Variants in BTRC observed in about 807,000 individuals in gnomAD.
BTRC encodes the protein F-box/WD repeat-containing protein 1A.
Under a neutral mutation model 85.5 loss-of-function variants are expected in BTRC, and 42 were observed. That is an observed-to-expected ratio of 0.49 (90% CI 0.38 to 0.64). BTRC has a LOEUF of 0.64. Ranked by LOEUF, BTRC falls within the 30% of genes least tolerant of loss-of-function variation. The pLI, the probability that BTRC is intolerant of heterozygous loss-of-function variation, is 0.00. For missense variants in BTRC, 594 were observed against 743.5 expected (o/e 0.80, Z 2.34); for synonymous variants, 255 against 263.3 (o/e 0.97, Z 0.30).
rs1473075801 is a variant in BTRC, at chr10:101,532,416, G to A, written c.962G>A (p.Arg321Gln). The stretch of plus-strand genomic sequence containing the variant: ...GATCAGAAAATAGTAAGCGGCCTTC[G>A]AGACAACACAATCAAGGTGAGGTCT... ...YDDQKIVSGL[R>Q]DNTIKIWDKN... Residue 321 changes from arginine (R) to glutamine (Q), a missense_variant, in exon 8 of 15, where the codon CGA (arginine) becomes CAA (glutamine). Arg to Gln is a conservative substitution (Grantham distance 43). This residue lies in a region of BTRC where 373 missense variants were observed against 503.6 expected (regional missense o/e 0.74). Coordinates refer to ENST00000370187, the MANE Select transcript of BTRC (RefSeq NM_033637.4). The A allele has an allele frequency of 1.2e-6, 2 of 1,610,894 alleles. No homozygotes were observed. The highest frequency in any genetic ancestry group is 8.5e-7 in the Non-Finnish European group (1 of 1,178,926).
chr10:101,523,994 T>C (rs745874643), intron 5 of BTRC, among the ~76,000 whole-genome samples: 15 of 152,166 alleles, frequency 9.9e-5, no homozygotes, highest in Non-Finnish European at 1.9e-4. Flanking sequence ...TTAAGGCTTT[T>C]AATACATGGT....
At chr10:101,472,275 C>CTCTCTTCTCTTCTCTTCTCT (rs57342908) in intron 3 of BTRC, among the ~76,000 whole-genome samples, 14,344 of 114,186 alleles carry the variant, frequency 0.13, 1,467 homozygotes, top group Middle Eastern at 0.21. Flanking sequence ...TTTTCTTTTC[C>CTCTCTTCTCTTCTCTTCTCT]TCTCTTCTCT....
In BTRC at chr10:101,395,295, C is replaced by T. The variant is rs1943336403; in HGVS notation, c.49-35050C>T. Among the ~76,000 whole-genome samples the T allele has an allele frequency of 2.0e-5, 3 of 152,176 alleles. No individual in the cohort carries two copies. The South Asian group carries it at 6.2e-4, about 32-fold the overall frequency. ...ATTTTCGTGTGAGAGTCTAGCCAGG[C>T]AGGCTAGGATAGGAAATTATTTTGT... On this transcript the variant is annotated intron_variant, in intron 1 of 14. Coordinates refer to ENST00000370187, the MANE Select transcript of BTRC (RefSeq NM_033637.4).
At chr10:101,517,101 G>A (rs920231194) in intron 4 of BTRC, among the ~76,000 whole-genome samples, 12 of 152,098 alleles carry the variant, frequency 7.9e-5, no homozygotes, top group Admixed American at 5.9e-4. Context: ...ACAAAAAGCA[G>A]CCCTAAACTC....
At chr10:101,405,632 T>C (rs574745677) in intron 1 of BTRC, among the ~76,000 whole-genome samples, 1 of 152,310 alleles carries the variant, frequency 6.6e-6, no homozygotes, top group East Asian at 1.9e-4. Context: ...TCTTCTCCAA[T>C]TACCTGCTAG....
chr10:101,478,636 C>T (rs1053657646), intron 3 of BTRC, among the ~76,000 whole-genome samples: 6 of 151,384 alleles, frequency 4.0e-5, no homozygotes, highest in South Asian at 2.1e-4. Flanking sequence ...ACAAAAAATA[C>T]AAAAAATTAG....
intron 4 of BTRC, among the ~76,000 whole-genome samples, chr10:101,489,771 A>G (rs1946082202): frequency 1.3e-5 from 2 of 152,124 alleles, no homozygotes; most frequent in African/African-American, 4.8e-5. Context: ...TTCTGCCGGT[A>G]TTTGTTCCCA....
At chr10:101,418,691 CAA>C (rs777768870) in intron 1 of BTRC, among the ~76,000 whole-genome samples, 2 of 151,464 alleles carry the variant, frequency 1.3e-5, no homozygotes, top group Non-Finnish European at 2.9e-5. Context: ...AATTGGCAAA[CAA>C]AAATTATTAT....
intron 3 of BTRC, among the ~76,000 whole-genome samples, chr10:101,463,653 A>G (rs1463688966): frequency 6.6e-6 from 1 of 152,120 alleles, no homozygotes; most frequent in East Asian, 1.9e-4. Flanking sequence ...AACCCTGTAA[A>G]GTTTTTAGAT....
At chr10:101,487,755 T>C (rs1253856799) in intron 4 of BTRC, among the ~76,000 whole-genome samples, 1 of 152,128 alleles carries the variant, frequency 6.6e-6, no homozygotes, top group Admixed American at 6.5e-5. Flanking sequence ...CAGTGTTCTG[T>C]GATCAACCTT....
intron 1 of BTRC, among the ~76,000 whole-genome samples, chr10:101,396,753 TTTG>T (rs150149003): frequency 0.36 from 54,444 of 151,340 alleles, 10,847 homozygotes; most frequent in Middle Eastern, 0.48. Context: ...TTTGTTGATG[TTTG>T]TTTTTACATG....
chr10:101,503,964 T>G (rs945701225), intron 4 of BTRC, among the ~76,000 whole-genome samples: 1 of 152,210 alleles, frequency 6.6e-6, no homozygotes, highest in African/African-American at 2.4e-5. Context: ...CATACACTTT[T>G]TAACTGTTTT....
intron 1 of BTRC, among the ~76,000 whole-genome samples, chr10:101,377,912 C>G (rs1425931975): frequency 6.6e-6 from 1 of 151,328 alleles, no homozygotes; most frequent in Non-Finnish European, 1.5e-5. Context: ...GTGTAGAACA[C>G]TTGTGGCCTT....
At chr10:101,472,878 T>G (rs1945571919) in intron 3 of BTRC, among the ~76,000 whole-genome samples, 1 of 152,136 alleles carries the variant, frequency 6.6e-6, no homozygotes, top group East Asian at 1.9e-4. Flanking sequence ...CCGTTCAAGG[T>G]TTTATCTTTA....
At chr10:101,549,630 C>T (rs1260037448) in intron 13 of BTRC, among the ~76,000 whole-genome samples, 4 of 142,888 alleles carry the variant, frequency 2.8e-5, no homozygotes, top group Non-Finnish European at 3.0e-5. Context: ...AGGAGAACGG[C>T]GTGAACCCGG....
rs60190021 is a variant in BTRC at position 101,368,464 on chromosome 10, C to CT, written c.48+14268dup. ...TAGTAGAACCTATGCAACTGTTTTT[C>CT]TTTTTTTTTTTTTTTTTTTTTTTTT... On this transcript the variant is annotated intron_variant, in intron 1 of 14. Coordinates refer to ENST00000370187, the MANE Select transcript of BTRC (RefSeq NM_033637.4). Among the ~76,000 whole-genome samples, 571 of 75,326 alleles carry CT rather than the reference C, an allele frequency of 7.6e-3. 57 individuals carry two copies. The highest frequency in any genetic ancestry group is 0.034 in the African/African-American group (530 of 15,590). The allele number at this position is 75,326 out of a possible 152,430, so 49.4% of individuals were successfully genotyped here.
intron 1 of BTRC, among the ~76,000 whole-genome samples, chr10:101,364,323 A>G (rs1386019018): frequency 6.6e-6 from 1 of 152,148 alleles, no homozygotes; most frequent in African/African-American, 2.4e-5. Context: ...CAGAATCTTG[A>G]CTATTCCACA....
chr10:101,554,597 G>A lies in BTRC; in HGVS notation c.*1474G>A, dbSNP rs961969267. On this transcript the variant is annotated 3_prime_UTR_variant, in exon 15 of 15. Coordinates refer to ENST00000370187, the MANE Select transcript of BTRC (RefSeq NM_033637.4). ...GTTTGGCACACAGGGTTTATTAATG[G>A]GGCAAAAACTGCCTTTTCTTCCTCC... is the stretch of plus-strand genomic sequence containing the variant. The A allele has an allele frequency of 2.0e-5, 3 of 152,548 alleles. No homozygotes were observed. Among genetic ancestry groups the A allele is most frequent in the Non-Finnish European group, 4.4e-5 (3 of 68,024 alleles). 9.4% of individuals were successfully genotyped at this position (152,548 alleles called of 1,614,324 possible). A position where few individuals can be genotyped will look rare whatever the true frequency, so the allele number is the denominator to read the frequency against.
chr10:101,479,603 C>G lies in BTRC; in HGVS notation c.324+146C>G, dbSNP rs1192516733. The G allele has an allele frequency of 3.3e-5, 18 of 550,130 alleles. No individual in the cohort carries two copies. In the South Asian group the frequency reaches 3.8e-4, roughly 12 times the overall value. 34.1% of individuals were successfully genotyped at this position (550,130 alleles called of 1,614,324 possible). A position where few individuals can be genotyped will look rare whatever the true frequency, so the allele number is the denominator to read the frequency against. ...CAAACAGGCATCATTTTATCTAGAA[C>G]AGATTGCAAGTTAGATTCTCCACCT... On this transcript the variant is annotated intron_variant, in intron 4 of 14. Transcript: ENST00000370187.
Sources: allele counts gnomAD v4.1 joint callset (sites outside exome capture counted in the v4.1 genomes callset), GRCh38; gene constraint gnomAD v4.1.1; regional missense constraint gnomAD v4.1.1; transcripts MANE v1.5; gene names NCBI Gene and HGNC (gene_info 2026-07-23, HGNC 2026-07-21).